Variants in GRIK2 observed in about 807,000 individuals in gnomAD.
GRIK2 encodes the protein glutamate receptor ionotropic, kainate 2.
Under a neutral mutation model 100.3 loss-of-function variants are expected in GRIK2, and 32 were observed. The observed-to-expected ratio is 0.32, with a 90% confidence interval of 0.24 to 0.43. The LOEUF is 0.43. Among genes scored for constraint, GRIK2 ranks in the 20% least tolerant of loss-of-function variants. The probability of loss-of-function intolerance (pLI) is 1.00; values close to 1 mark genes in which losing one functional copy is unlikely to be tolerated. For missense variants in GRIK2, 843 were observed against 1,114.9 expected, an observed-to-expected ratio of 0.76 and a Z score of 3.47; for synonymous variants, 417 against 389.4, an observed-to-expected ratio of 1.07 and a Z score of -0.83.
chr6:101,928,739 T>A lies in GRIK2; in HGVS notation c.2085+107T>A, dbSNP rs1790070979. The A allele has an allele frequency of 7.5e-6, 5 of 667,676 alleles. No individual in the cohort carries two copies. In the East Asian group the frequency reaches 1.3e-4, roughly 18 times the overall value. 41.4% of individuals were successfully genotyped at this position (667,676 alleles called of 1,614,324 possible). ...AACAACGCCATTATTTGTGCACAAT[T>A]CTTAATAATAGCATATACCTCAAGG... On this transcript the variant is annotated intron_variant, in intron 14 of 16. Coordinates refer to ENST00000369134, the MANE Select transcript of GRIK2 (RefSeq NM_021956.5).
rs201869483 is a variant in GRIK2 at position 101,394,028 on chromosome 6, C to T, written c.-294+191C>T. Among the ~76,000 whole-genome samples the T allele has an allele frequency of 9.8e-5, 15 of 152,332 alleles. No individual in the cohort carries two copies. The East Asian group carries it at 2.7e-3, about 28-fold the overall frequency. ...GGACGGATTCACTGCGAGTCTTTGT[C>T]GGGCTTATCTCAGCCAATTCCCGTC... is the stretch of plus-strand genomic sequence containing the variant. On this transcript the variant is annotated intron_variant, in intron 1 of 16. Transcript: ENST00000369134.
chr6:101,560,542 A>G (rs1379815449), intron 2 of GRIK2, among the ~76,000 whole-genome samples: 4 of 152,036 alleles, frequency 2.6e-5, no homozygotes, highest in Non-Finnish European at 5.9e-5. Flanking sequence ...TATCATTTGG[A>G]AGCACATTGT....
rs75939270 is a variant in GRIK2 at position 101,741,115 on chromosome 6, A to C, written c.951+54762A>C. 2.5e-3 allele frequency among the ~76,000 whole-genome samples: 374 copies of C among 152,328 alleles called. 14 individuals are homozygous for C. In the East Asian group the frequency reaches 0.067, roughly 27 times the overall value. The stretch of plus-strand genomic sequence containing the variant: ...GGTCAGGGAAAGCCACAAGCATGCA[A>C]GTATGCAACTAGGAAATTTCCCTGA... On this transcript the variant is annotated intron_variant, in intron 7 of 16. Coordinates refer to ENST00000369134, the MANE Select transcript of GRIK2 (RefSeq NM_021956.5).
chr6:101,536,815 A>G (rs1416536802), intron 2 of GRIK2, among the ~76,000 whole-genome samples: 1 of 151,696 alleles, frequency 6.6e-6, no homozygotes, highest in Non-Finnish European at 1.5e-5. Context: ...CTTCCAATGG[A>G]TAATAATTCT....
At chr6:102,064,187 G>A (rs1003211926) in intron 16 of GRIK2, 25 of 488,872 alleles carry the variant, frequency 5.1e-5, no homozygotes, top group Non-Finnish European at 8.8e-5. Flanking sequence ...CCTAAATAGT[G>A]ATTTTAAAAG....
rs562711672 is a variant in GRIK2 at position 101,536,105 on chromosome 6, T to G, written c.116-85844T>G. 2.8e-4 allele frequency among the ~76,000 whole-genome samples: 43 copies of G among 151,836 alleles called. No homozygotes were observed. The Middle Eastern group carries it at 0.014, about 48-fold the overall frequency. ...TTTATTAATTCAATTTCCCATTTGTTTCTTTGACATTTTGAAAGGATAAAA... is the reference window on the plus strand; with the variant it reads ...TTTATTAATTCAATTTCCCATTTGTGTCTTTGACATTTTGAAAGGATAAAA... On this transcript the variant is annotated intron_variant, in intron 2 of 16. Transcript: ENST00000369134.
At chr6:102,003,382 T>C (rs1335299942) in intron 14 of GRIK2, among the ~76,000 whole-genome samples, 1 of 151,694 alleles carries the variant, frequency 6.6e-6, no homozygotes, top group African/African-American at 2.4e-5. Flanking sequence ...CCTGGAATCA[T>C]CTTGGAATCC....
At chr6:101,522,156 A>G (rs569643380) in intron 2 of GRIK2, among the ~76,000 whole-genome samples, 31 of 152,256 alleles carry the variant, frequency 2.0e-4, no homozygotes, top group Non-Finnish European at 2.6e-4. Flanking sequence ...TACATGCTTT[A>G]GCAGAAATTT....
At chr6:102,040,547 TA>T (rs1770509854) in intron 15 of GRIK2, among the ~76,000 whole-genome samples, 1 of 151,646 alleles carries the variant, frequency 6.6e-6, no homozygotes, top group African/African-American at 2.4e-5. Flanking sequence ...TTTCTAATGT[TA>T]AATGCTTAAG....
At chr6:101,936,927 T>C (rs1208202842) in intron 14 of GRIK2, among the ~76,000 whole-genome samples, 1 of 152,142 alleles carries the variant, frequency 6.6e-6, no homozygotes, top group East Asian at 1.9e-4. Flanking sequence ...CCAGAGTGAA[T>C]TCAATGGTTA....
chr6:101,798,901 G>A (rs935021637), intron 7 of GRIK2, among the ~76,000 whole-genome samples: 6 of 152,048 alleles, frequency 3.9e-5, no homozygotes, highest in African/African-American at 1.4e-4. Context: ...TTGGTCATTT[G>A]AGCAGGTGCA....
intron 4 of GRIK2, among the ~76,000 whole-genome samples, chr6:101,658,127 A>G (rs1367096290): frequency 6.6e-6 from 1 of 152,156 alleles, no homozygotes; most frequent in African/African-American, 2.4e-5. Context: ...AAATAGGTAT[A>G]CACAAGCCAT....
chr6:101,537,121 C>T (rs1775737609), intron 2 of GRIK2, among the ~76,000 whole-genome samples: 1 of 151,592 alleles, frequency 6.6e-6, no homozygotes, highest in Non-Finnish European at 1.5e-5. Context: ...TTAAAGTGCT[C>T]CTGAAACTGA....
At position 102,038,579 on chromosome 6, in the gene GRIK2, A is replaced by C. The variant is rs1026392695; in HGVS notation, c.2311+3013A>C. ...CCTTTTATGTTACCATTGCTGAAGC[A>C]TACTGAAAATGATAATAGTGTGTTA... On this transcript the variant is annotated intron_variant, in intron 15 of 16. Coordinates refer to ENST00000369134, the MANE Select transcript of GRIK2 (RefSeq NM_021956.5). Among the ~76,000 whole-genome samples, 3 of 151,454 alleles carry C rather than the reference A, an allele frequency of 2.0e-5. No homozygotes were observed. In the East Asian group the frequency reaches 5.8e-4, roughly 29 times the overall value.
At chr6:101,920,812 AGT>A (rs931954308) in intron 12 of GRIK2, among the ~76,000 whole-genome samples, 2 of 151,836 alleles carry the variant, frequency 1.3e-5, no homozygotes, top group Non-Finnish European at 2.9e-5. Context: ...TTTGAAGGAA[AGT>A]GTGAAGAATC....
At chr6:101,400,037 C>A (rs1228275650) in intron 2 of GRIK2, among the ~76,000 whole-genome samples, 1 of 152,152 alleles carries the variant, frequency 6.6e-6, no homozygotes, top group East Asian at 1.9e-4. Context: ...AACGAAATAG[C>A]GTCAAAATTA....
At chr6:101,684,719 AT>A (rs11418216) in intron 6 of GRIK2, among the ~76,000 whole-genome samples, 1,857 of 138,772 alleles carry the variant, frequency 0.013, 17 homozygotes, top group African/African-American at 0.034. Context: ...GAAAATCTGG[AT>A]TTTTTTTTTT....
At chr6:101,402,253 C>A (rs1007464479) in intron 2 of GRIK2, among the ~76,000 whole-genome samples, 1 of 152,194 alleles carries the variant, frequency 6.6e-6, no homozygotes, top group South Asian at 2.1e-4. Flanking sequence ...CATACACACA[C>A]ACACATTCTC....
intron 11 of GRIK2, among the ~76,000 whole-genome samples, chr6:101,879,908 C>T (rs117588217): frequency 1.2e-3 from 178 of 152,028 alleles, no homozygotes; most frequent in Non-Finnish European, 1.9e-3. Flanking sequence ...GCATCAGTGA[C>T]GTTTTGACTT....
Sources: gnomAD v4.1 joint callset for allele counts (sites outside exome capture counted in the v4.1 genomes callset) on GRCh38, gnomAD v4.1.1 for gene constraint, MANE v1.5 for transcripts, NCBI Gene and HGNC (gene_info 2026-07-23, HGNC 2026-07-21) for gene names.